The following SEMA5A variants were observed in gnomAD, a reference collection of about 807,000 sequenced individuals.
SEMA5A encodes semaphorin-5A.
Under a neutral mutation model 135.5 loss-of-function variants are expected in SEMA5A, and 55 were observed. The observed-to-expected ratio is 0.41, with a 90% CI of 0.33 to 0.51. SEMA5A has a LOEUF of 0.51. Among genes scored for constraint, SEMA5A ranks in the 20% least tolerant of loss-of-function variants. The pLI is 0.37. For synonymous variants in SEMA5A, 580 were observed against 546.5 expected (o/e 1.06, Z -0.85); for missense variants, 1,290 against 1,419.9 (o/e 0.91, Z 1.47).
At chr5:9,103,819 G>C (rs1372639706) in intron 16 of SEMA5A, among the ~76,000 whole-genome samples, 1 of 152,070 alleles carries the variant, frequency 6.6e-6, no homozygotes, top group South Asian at 2.1e-4. Context: ...CCTTTCATGT[G>C]TTGTAATTTT....
Position 9,105,290 on chromosome 5 carries a change from G to C in SEMA5A, c.2073+2850C>G, listed in dbSNP as rs186311547. ...GGCTTGGTGACTTAGTCTAAGACAA[G>C]GATGTAGAAATTTCACAAGTGAAGC... On this transcript the variant is annotated intron_variant, in intron 16 of 22. Transcript: ENST00000382496. 9.2e-5 allele frequency among the ~76,000 whole-genome samples: 14 copies of C among 152,322 alleles called. No homozygotes were observed. In the East Asian group the frequency reaches 2.7e-3, roughly 29 times the overall value.
intron 11 of SEMA5A, among the ~76,000 whole-genome samples, chr5:9,178,127 A>G (rs892649424): frequency 6.6e-6 from 1 of 152,184 alleles, no homozygotes; most frequent in Non-Finnish European, 1.5e-5. Context: ...TAATTTTTAA[A>G]AAACTACCGA....
At chr5:9,059,636 A>C (rs1259503978) in intron 18 of SEMA5A, among the ~76,000 whole-genome samples, 1 of 152,022 alleles carries the variant, frequency 6.6e-6, no homozygotes, top group Non-Finnish European at 1.5e-5. Flanking sequence ...TGCAAACTCC[A>C]CCTCCTGGGC....
At position 9,038,839 on chromosome 5, in the gene SEMA5A, C is replaced by T. The variant is rs12516982; in HGVS notation, c.*4058G>A. 0.11 allele frequency: 16,246 copies of T among 151,778 alleles called. 1,073 individuals carry two copies. Among genetic ancestry groups the T allele is most frequent in the African/African-American group, 0.17 (7,058 of 41,302 alleles). The allele number at this position is 151,778 out of a possible 1,614,324, so 9.4% of individuals were successfully genotyped here. ...AACCTCCTGGCTCAAATGATACTCCCGCCTCAGCCTCCCAAGAAACTGGGA... is the reference window on the plus strand; with the variant it reads ...AACCTCCTGGCTCAAATGATACTCCTGCCTCAGCCTCCCAAGAAACTGGGA... On this transcript the variant is annotated 3_prime_UTR_variant, in exon 23 of 23. Transcript: ENST00000382496.
intron 16 of SEMA5A, among the ~76,000 whole-genome samples, chr5:9,083,578 TCATC>T (rs1353346361): frequency 9.7e-6 from 1 of 103,168 alleles, no homozygotes. Context: ...TTCCATTCAT[TCATC>T]CATTCATCCA....
At chr5:9,340,366 C>G (rs1443325483) in intron 3 of SEMA5A, among the ~76,000 whole-genome samples, 2 of 152,084 alleles carry the variant, frequency 1.3e-5, no homozygotes, top group Non-Finnish European at 2.9e-5. Context: ...GACCTTCCTG[C>G]TAGGGGAGTG....
At chr5:9,268,883 A>G (rs770383309) in intron 5 of SEMA5A, among the ~76,000 whole-genome samples, 1 of 152,176 alleles carries the variant, frequency 6.6e-6, no homozygotes, top group Non-Finnish European at 1.5e-5. Context: ...TGTTTTAAAC[A>G]TACTAATTTA....
At chr5:9,315,539 C>T (rs1752352854) in intron 5 of SEMA5A, among the ~76,000 whole-genome samples, 1 of 152,140 alleles carries the variant, frequency 6.6e-6, no homozygotes, top group South Asian at 2.1e-4. Flanking sequence ...ATCCCCATGT[C>T]TATTTGTTGA....
At chr5:9,458,738 A>G (rs760056047) in intron 1 of SEMA5A, among the ~76,000 whole-genome samples, 1 of 152,206 alleles carries the variant, frequency 6.6e-6, no homozygotes, top group Non-Finnish European at 1.5e-5. Flanking sequence ...CTGAATTGCC[A>G]TGAATAACAG....
intron 1 of SEMA5A, among the ~76,000 whole-genome samples, chr5:9,522,283 CAAATAAGA>C (rs1736876881): frequency 6.6e-6 from 1 of 152,082 alleles, no homozygotes; most frequent in Non-Finnish European, 1.5e-5. Flanking sequence ...GGCGTAATTG[CAAATAAGA>C]GGAGAAGTAG....
At chr5:9,459,409 C>G (rs969924712) in intron 1 of SEMA5A, among the ~76,000 whole-genome samples, 1 of 152,236 alleles carries the variant, frequency 6.6e-6, no homozygotes, top group Non-Finnish European at 1.5e-5. Flanking sequence ...TGGATTCAAA[C>G]AGCAATGCTG....
chr5:9,066,172 A>ACCG (rs1737452214), intron 17 of SEMA5A, among the ~76,000 whole-genome samples: 2 of 152,228 alleles, frequency 1.3e-5, no homozygotes, highest in African/African-American at 2.4e-5. Flanking sequence ...TTCTGGGTCT[A>ACCG]TAATAAATAT....
Position 9,162,569 on chromosome 5 carries a change from TATATATATATATATATAC to T in SEMA5A, c.1274-7892_1274-7875del, listed in dbSNP as rs1442563852. Among the ~76,000 whole-genome samples, 3 of 49,430 alleles carry T rather than the reference TATATATATATATATATAC, an allele frequency of 6.1e-5. 1 individual carries two copies. Among genetic ancestry groups the T allele is most frequent in the African/African-American group, 1.7e-4 (3 of 17,394 alleles). The allele number at this position is 49,430 out of a possible 152,430, so 32.4% of individuals were successfully genotyped here. On this transcript the variant is annotated intron_variant, in intron 11 of 22. Coordinates refer to ENST00000382496, the MANE Select transcript of SEMA5A (RefSeq NM_003966.3). ...GTATATATGTGTGTGTGTGTGTATA[TATATATATATATATATAC>T]ACACACACACACAAACCATCTTTTC...
intron 5 of SEMA5A, among the ~76,000 whole-genome samples, chr5:9,290,812 A>G (rs1751040489): frequency 6.6e-6 from 1 of 152,230 alleles, no homozygotes. Context: ...CCTATAAAAC[A>G]GAAAATAATG....
chr5:9,305,710 A>ATATATATATATATATG (rs1561128537), intron 5 of SEMA5A, among the ~76,000 whole-genome samples: 3 of 100,166 alleles, frequency 3.0e-5, no homozygotes, highest in African/African-American at 1.4e-4. Flanking sequence ...GTGTGTGCGT[A>ATATATATATATATATG]TATATATATA....
chr5:9,528,594 G>A (rs1003628942), intron 1 of SEMA5A, among the ~76,000 whole-genome samples: 3 of 152,142 alleles, frequency 2.0e-5, no homozygotes, highest in South Asian at 2.1e-4. Context: ...GCCTAGAAAC[G>A]TCCACTTCCA....
chr5:9,237,647 C>A, intron 6 of SEMA5A, 181 bp downstream of exon 6: 1 of 425,988 alleles, frequency 2.3e-6, no homozygotes, highest in Non-Finnish European at 4.1e-6. Context: ...TGATTGATTG[C>A]TGGGGTTAAT....
At chr5:9,488,922 CT>C (rs1439565150) in intron 1 of SEMA5A, among the ~76,000 whole-genome samples, 1 of 152,170 alleles carries the variant, frequency 6.6e-6, no homozygotes, top group African/African-American at 2.4e-5. Flanking sequence ...ACACCATCTT[CT>C]TCTCAAAAGC....
chr5:9,137,566 C>A (rs768166202), intron 12 of SEMA5A, among the ~76,000 whole-genome samples: 1 of 152,012 alleles, frequency 6.6e-6, no homozygotes. Flanking sequence ...TGTGAATGCA[C>A]CAAGAAGTTG....
Sources: gnomAD v4.1 joint callset for allele counts (sites outside exome capture counted in the v4.1 genomes callset) on GRCh38, gnomAD v4.1.1 for gene constraint, MANE v1.5 for transcripts, NCBI Gene and HGNC (gene_info 2026-07-23, HGNC 2026-07-21) for gene names.